The following CD33 variants were observed in gnomAD, a reference collection of about 807,000 sequenced individuals.
CD33 encodes the protein CD33 molecule, also known as myeloid cell surface antigen CD33.
CD33 carries 25 observed loss-of-function variants against 31.4 expected under a neutral mutation model. The ratio of observed to expected loss-of-function variants is 0.80; its 90% CI spans 0.58 to 1.11. CD33 has a LOEUF of 1.11. Ranked by LOEUF, CD33 falls within the 50% of genes most tolerant of loss-of-function variation. CD33 has a pLI of 0.00. For synonymous variants in CD33, 176 were observed against 180.6 expected (o/e 0.97, Z 0.20); for missense variants, 407 against 448.1 (o/e 0.91, Z 0.83).
chr19:51,226,065 C>T lies in CD33; in HGVS notation c.681C>T (p.Ile227=). 1 of 1,614,000 alleles carries T rather than the reference C, an allele frequency of 6.2e-7. No homozygotes were observed. The highest frequency in any genetic ancestry group is 2.2e-5 in the East Asian group (1 of 44,872). Residue 227 remains isoleucine (I), a synonymous_variant, in exon 3 of 7, where the codon ATC becomes ATT. Coordinates refer to ENST00000262262, the MANE Select transcript of CD33 (RefSeq NM_001772.4). ...AGAGVTTERT[I]QLNVTYVPQN... is the part of the protein sequence containing the mutation. ...CTGGTGTGACTACGGAGAGAACCAT[C>T]CAGCTCAACGTCACCTGTAAGTGCT...
chr19:51,231,603 G>T (rs67958043), intron 4 of CD33, among the ~76,000 whole-genome samples: 38,252 of 122,996 alleles, frequency 0.31, 5,938 homozygotes, highest in Admixed American at 0.46. Flanking sequence ...GTTGGCTGAT[G>T]TTTTTTTTTT....
chr19:51,231,052 T>TG (rs1245129437), intron 4 of CD33, among the ~76,000 whole-genome samples: 1 of 152,244 alleles, frequency 6.6e-6, no homozygotes, highest in African/African-American at 2.4e-5. Flanking sequence ...CCTTGCTCCT[T>TG]GCTCTCCCAG....
intron 4 of CD33, among the ~76,000 whole-genome samples, chr19:51,228,044 C>T (rs530328755): frequency 4.6e-5 from 7 of 152,204 alleles, no homozygotes; most frequent in South Asian, 4.1e-4. Flanking sequence ...GGATTAATTT[C>T]GGTGTTCTCT....
chr19:51,239,634 G>A lies in CD33; in HGVS notation c.1041G>A (p.Gly347=). Residue 347 remains glycine (G), a synonymous_variant, in exon 7 of 7, where the codon GGG becomes GGA. Coordinates refer to ENST00000262262, the MANE Select transcript of CD33 (RefSeq NM_001772.4). ...ELHYASLNFH[G]MNPSKDTSTE... is the part of the protein sequence containing the mutation. ...ATTATGCTTCCCTCAACTTTCATGG[G>A]ATGAATCCTTCCAAGGACACCTCCA... 6.2e-7 allele frequency: 1 copy of A among 1,613,630 alleles called. No individual in the cohort carries two copies.
rs1449486432 is a variant in CD33, at chr19:51,225,924, G to A, written c.540G>A (p.Leu180=). Residue 180 remains leucine (L), a synonymous_variant, in exon 3 of 7, where the codon TTG becomes TTA. Transcript: ENST00000262262. The part of the protein sequence containing the change: ...EQGTPPIFSW[L]SAAPTSLGPR... ...GAACACCCCCGATCTTCTCCTGGTT[G>A]TCAGCTGCCCCCACCTCCCTGGGCC... is the stretch of plus-strand genomic sequence containing the variant. The A allele has an allele frequency of 1.2e-6, 2 of 1,614,016 alleles. No homozygotes were observed. The highest frequency in any genetic ancestry group is 1.7e-6 in the Non-Finnish European group (2 of 1,179,998).
At chr19:51,225,196 G>A in intron 1 of CD33, 22 bp from the exon 2 acceptor site, 2 of 1,613,332 alleles carry the variant, frequency 1.2e-6, no homozygotes, top group Non-Finnish European at 1.7e-6. Context: ...GCTGGGCCGA[G>A]CTGACCCTCG....
At chr19:51,226,151 C>T in intron 3 of CD33, 70 bp downstream of exon 3, 3 of 1,570,010 alleles carry the variant, frequency 1.9e-6, no homozygotes, top group Admixed American at 1.7e-5. Flanking sequence ...GTGCTGGGGA[C>T]ATTTAGTGTC....
chr19:51,224,770 TG>T (rs1885293720), upstream of CD33, among the ~76,000 whole-genome samples: 1 of 152,114 alleles, frequency 6.6e-6, no homozygotes, highest in Non-Finnish European at 1.5e-5. Flanking sequence ...TGTAAACAGT[TG>T]TGCACAGAAA....
the CD33 span, among the ~76,000 whole-genome samples, chr19:51,219,582 T>C: frequency 2.0e-5 from 3 of 152,084 alleles, no homozygotes; most frequent in Non-Finnish European, 4.4e-5. Context: ...ATGAAGAGAG[T>C]GATCATCCTT....
At chr19:51,213,194 T>G in the CD33 span, among the ~76,000 whole-genome samples, 4 of 152,148 alleles carry the variant, frequency 2.6e-5, no homozygotes, top group African/African-American at 9.7e-5. Flanking sequence ...GACCTTTTGG[T>G]TTTTGCCAAT....
At chr19:51,224,757 T>C (rs898374067), upstream of CD33, among the ~76,000 whole-genome samples, 1 of 152,106 alleles carries the variant, frequency 6.6e-6, no homozygotes, top group Admixed American at 6.5e-5. Flanking sequence ...TGATCAGCCC[T>C]GGTGTAAACA....
the CD33 span, among the ~76,000 whole-genome samples, chr19:51,217,137 G>A: frequency 6.6e-6 from 1 of 152,178 alleles, no homozygotes; most frequent in Admixed American, 6.5e-5. Context: ...CCTGGCGAGA[G>A]CAGGCCTGAG....
chr19:51,211,873 C>T, the CD33 span: 18 of 1,384,664 alleles, frequency 1.3e-5, no homozygotes, highest in African/African-American at 1.6e-4. Flanking sequence ...TCTGTGCCCT[C>T]GGCCTGTGAG....
At chr19:51,218,474 G>T in the CD33 span, among the ~76,000 whole-genome samples, 1 of 152,112 alleles carries the variant, frequency 6.6e-6, no homozygotes, top group South Asian at 2.1e-4. Flanking sequence ...CATTCTGTAG[G>T]TTGTCTGTTC....
chr19:51,214,111 C>T, the CD33 span, among the ~76,000 whole-genome samples: 13 of 151,112 alleles, frequency 8.6e-5, no homozygotes, highest in African/African-American at 2.7e-4. Context: ...CCACCTGCCT[C>T]GGCCTCCCAA....
intron 4 of CD33, 132 bp from the exon 5 acceptor site, chr19:51,235,025 T>C (rs556884417): frequency 4.5e-6 from 3 of 670,616 alleles, no homozygotes; most frequent in Admixed American, 4.8e-5. Context: ...TTGATGTCTA[T>C]GATGGGTGGG....
intron 4 of CD33, among the ~76,000 whole-genome samples, chr19:51,234,171 G>C (rs1186274917): frequency 1.3e-5 from 2 of 152,058 alleles, no homozygotes; most frequent in African/African-American, 2.4e-5. Flanking sequence ...TTGAGCAGAA[G>C]ATACTAAGAC....
chr19:51,235,124 T>C (rs1173682173), intron 4 of CD33, 33 bp from the exon 5 acceptor site: 5 of 1,561,818 alleles, frequency 3.2e-6, no homozygotes, highest in Non-Finnish European at 4.4e-6. Flanking sequence ...TTTATCTAGA[T>C]TAGAATTCAC....
At chr19:51,219,095 C>A in the CD33 span, among the ~76,000 whole-genome samples, 1 of 152,056 alleles carries the variant, frequency 6.6e-6, no homozygotes, top group African/African-American at 2.4e-5. Context: ...TGCATTGAAT[C>A]TGTAGATTGC....
Sources: gnomAD v4.1 joint callset for allele counts (sites outside exome capture counted in the v4.1 genomes callset) on GRCh38, gnomAD v4.1.1 for gene constraint, MANE v1.5 for transcripts, NCBI Gene and HGNC (gene_info 2026-07-23, HGNC 2026-07-21) for gene names.